PPP1R16B: variants seen among roughly 807,000 people sequenced by gnomAD.
PPP1R16B encodes protein phosphatase 1 regulatory inhibitor subunit 16B.
Under a neutral mutation model 61.7 loss-of-function variants are expected in PPP1R16B, and 14 were observed. That is an observed-to-expected ratio of 0.23 (90% CI 0.15 to 0.35). The LOEUF (loss-of-function observed/expected upper bound fraction) is 0.35. PPP1R16B is among the 10% of genes least tolerant of loss of function. PPP1R16B has a pLI of 1.00. For synonymous variants in PPP1R16B, 266 were observed against 305.3 expected (o/e 0.87, Z 1.34); for missense variants, 547 against 752.5 (o/e 0.73, Z 3.19).
chr20:38,899,418 A>G (rs2085374808), intron 4 of PPP1R16B, among the ~76,000 whole-genome samples: 1 of 152,168 alleles, frequency 6.6e-6, no homozygotes, highest in African/African-American at 2.4e-5. Flanking sequence ...TGGGTTTAAA[A>G]CAGATTCCCA....
At chr20:38,828,133 G>C (rs2084815295) in intron 1 of PPP1R16B, among the ~76,000 whole-genome samples, 1 of 152,160 alleles carries the variant, frequency 6.6e-6, no homozygotes, top group South Asian at 2.1e-4. Flanking sequence ...CCTTCATGTT[G>C]TTTTTCTCGA....
chr20:38,871,839 T>C (rs1020372412), intron 2 of PPP1R16B, among the ~76,000 whole-genome samples: 1 of 152,218 alleles, frequency 6.6e-6, no homozygotes, highest in Non-Finnish European at 1.5e-5. Context: ...CTCTGATCAA[T>C]GGAAAAATAA....
intron 2 of PPP1R16B, among the ~76,000 whole-genome samples, chr20:38,851,281 A>T (rs928373680): frequency 2.0e-5 from 3 of 152,134 alleles, no homozygotes; most frequent in African/African-American, 7.2e-5. Context: ...CCTGGCCAAC[A>T]TGGTGAAACC....
intron 2 of PPP1R16B, among the ~76,000 whole-genome samples, chr20:38,885,423 G>C (rs916602974): frequency 1.3e-5 from 2 of 152,202 alleles, no homozygotes; most frequent in South Asian, 2.1e-4. Flanking sequence ...GATACATAGA[G>C]AGTTCCAGAA....
chr20:38,885,104 A>G (rs1440372429), intron 2 of PPP1R16B, among the ~76,000 whole-genome samples: 11 of 150,442 alleles, frequency 7.3e-5, no homozygotes, highest in Non-Finnish European at 1.6e-4. Context: ...CTTAAATCCC[A>G]GCACTTTGAG....
At chr20:38,841,246 G>A (rs1028659816) in intron 2 of PPP1R16B, among the ~76,000 whole-genome samples, 5 of 151,688 alleles carry the variant, frequency 3.3e-5, no homozygotes, top group African/African-American at 1.2e-4. Context: ...CATTGCCATC[G>A]CTGAGTGGTG....
At chr20:38,909,846 C>A (rs1208355686) in intron 10 of PPP1R16B, among the ~76,000 whole-genome samples, 1 of 152,186 alleles carries the variant, frequency 6.6e-6, no homozygotes, top group Non-Finnish European at 1.5e-5. Context: ...GCCCCTTAGT[C>A]TGAGGATTGG....
intron 9 of PPP1R16B, 26 bp from the exon 10 acceptor site, chr20:38,908,002 C>T (rs1308508376): frequency 6.2e-7 from 1 of 1,614,056 alleles, no homozygotes; most frequent in Non-Finnish European, 8.5e-7. Flanking sequence ...TGGGTGCAGC[C>T]TCTAGGACCC....
chr20:38,810,289 G>A (rs915003410), intron 1 of PPP1R16B, among the ~76,000 whole-genome samples: 2 of 152,216 alleles, frequency 1.3e-5, no homozygotes, highest in African/African-American at 2.4e-5. Flanking sequence ...TTTGATGGAG[G>A]CAGAAGCAAG....
chr20:38,897,829 A>G (rs577946971), intron 4 of PPP1R16B, among the ~76,000 whole-genome samples: 1 of 151,990 alleles, frequency 6.6e-6, no homozygotes, highest in East Asian at 1.9e-4. Context: ...TGTGGTTTTG[A>G]TTTGCATTTT....
At chr20:38,814,863 A>T (rs2084725339) in intron 1 of PPP1R16B, among the ~76,000 whole-genome samples, 1 of 152,152 alleles carries the variant, frequency 6.6e-6, no homozygotes, top group African/African-American at 2.4e-5. Flanking sequence ...TTTGACACTT[A>T]TTCTCTTTAG....
intron 2 of PPP1R16B, among the ~76,000 whole-genome samples, chr20:38,851,680 T>C (rs1218294941): frequency 1.3e-5 from 2 of 152,136 alleles, no homozygotes; most frequent in Admixed American, 1.3e-4. Flanking sequence ...AAAGTCATTG[T>C]GAAGAGAGCA....
At chr20:38,807,333 G>T (rs1228914207) in intron 1 of PPP1R16B, among the ~76,000 whole-genome samples, 1 of 152,216 alleles carries the variant, frequency 6.6e-6, no homozygotes, top group Non-Finnish European at 1.5e-5. Flanking sequence ...GGGGCTAACA[G>T]CCGCCAGGCT....
Position 38,835,995 on chromosome 20 carries a change from C to G in PPP1R16B, c.70C>G (p.Arg24Gly), listed in dbSNP as rs781701776. 1.3e-6 allele frequency: 2 copies of G among 1,566,154 alleles called. No homozygotes were observed. Among genetic ancestry groups the G allele is most frequent in the Non-Finnish European group, 1.7e-6 (2 of 1,157,104 alleles). ...LEKVPTLERL[R>G]AAQKRRAQQL... is the part of the protein sequence containing the mutation. ...GAAGGTGCCCACGCTGGAGCGGCTG[C>G]GGGCTGCCCAGAAGCGCCGGGCCCA... The change falls in exon 2 of 11, where the codon CGG becomes GGG. Residue 24 changes from arginine (R) to glycine (G), a missense_variant. Coordinates refer to ENST00000299824, the MANE Select transcript of PPP1R16B (RefSeq NM_015568.4).
At chr20:38,898,772 T>A (rs2145771076) in intron 4 of PPP1R16B, among the ~76,000 whole-genome samples, 1 of 152,184 alleles carries the variant, frequency 6.6e-6, no homozygotes, top group Non-Finnish European at 1.5e-5. Context: ...TTTGAGCCAC[T>A]GCACACCAGC....
intron 2 of PPP1R16B, among the ~76,000 whole-genome samples, chr20:38,866,157 A>G (rs1055642431): frequency 6.6e-6 from 1 of 151,996 alleles, no homozygotes; most frequent in African/African-American, 2.4e-5. Flanking sequence ...AAATAAATAA[A>G]TAATAAAAAT....
At chr20:38,842,528 G>T (rs1366657745) in intron 2 of PPP1R16B, among the ~76,000 whole-genome samples, 4 of 152,156 alleles carry the variant, frequency 2.6e-5, no homozygotes, top group African/African-American at 9.7e-5. Flanking sequence ...TAAATTTAAT[G>T]ATTTTTCTCA....
chr20:38,864,641 C>T (rs1416149655), intron 2 of PPP1R16B, among the ~76,000 whole-genome samples: 1 of 152,136 alleles, frequency 6.6e-6, no homozygotes, highest in African/African-American at 2.4e-5. Flanking sequence ...CCCACTGCAA[C>T]CAGAGGTCGG....
At chr20:38,914,019 C>T (rs953328155) in intron 10 of PPP1R16B, among the ~76,000 whole-genome samples, 1 of 152,146 alleles carries the variant, frequency 6.6e-6, no homozygotes, top group Non-Finnish European at 1.5e-5. Flanking sequence ...TGGCGAAACC[C>T]TGTCTCTACT....
Sources: allele counts gnomAD v4.1 joint callset (sites outside exome capture counted in the v4.1 genomes callset), GRCh38; gene constraint gnomAD v4.1.1; transcripts MANE v1.5; gene names NCBI Gene and HGNC (gene_info 2026-07-23, HGNC 2026-07-21).